The following RPS6KA2 variants were observed in gnomAD, a reference collection of about 807,000 sequenced individuals.
RPS6KA2 encodes the protein ribosomal protein S6 kinase A2, also known as ribosomal protein S6 kinase alpha-2.
In RPS6KA2, 42 loss-of-function variants were observed where a neutral mutation model predicts 91.8. The observed-to-expected ratio is 0.46, with a 90% CI of 0.36 to 0.59. The LOEUF is 0.59. Ranked by LOEUF, RPS6KA2 falls within the 20% of genes least tolerant of loss-of-function variation. RPS6KA2 has a pLI of 0.00. For synonymous variants in RPS6KA2, 414 were observed against 393.6 expected (o/e 1.05, Z -0.61); for missense variants, 798 against 978.5 (o/e 0.82, Z 2.46).
At chr6:166,857,959 T>C (rs1480605036) in intron 2 of RPS6KA2, 2 of 530,056 alleles carry the variant, frequency 3.8e-6, no homozygotes, top group East Asian at 3.3e-5. Flanking sequence ...TTTACCTCGA[T>C]GGACAGCCTT....
chr6:166,418,468 A>G lies in RPS6KA2; in HGVS notation c.1821-126T>C. 1.4e-6 allele frequency: 1 copy of G among 731,722 alleles called. No individual in the cohort carries two copies. The highest frequency in any genetic ancestry group is 2.6e-5 in the East Asian group (1 of 38,296). The allele number at this position is 731,722 out of a possible 1,614,324, so 45.3% of individuals were successfully genotyped here. A position where few individuals can be genotyped will look rare whatever the true frequency, so the allele number is the denominator to read the frequency against. On this transcript the variant is annotated intron_variant, in intron 18 of 20. Coordinates refer to ENST00000265678, the MANE Select transcript of RPS6KA2 (RefSeq NM_021135.6). This position sits in a 1 kb window ranked among gnomAD's most constrained non-coding sequence, Gnocchi z 4.9. Reference sequence around the variant, plus strand: ...CTTTGCTTCTCCCTCCTCTGCTCTGAAGCCAGGATTCATGGGAAAGCGGAA... The same window carrying G: ...CTTTGCTTCTCCCTCCTCTGCTCTGGAGCCAGGATTCATGGGAAAGCGGAA...
intron 2 of RPS6KA2, among the ~76,000 whole-genome samples, chr6:166,830,338 G>C (rs1780155332): frequency 6.6e-6 from 1 of 152,082 alleles, no homozygotes; most frequent in Non-Finnish European, 1.5e-5. Context: ...GTCTCATTGG[G>C]GAAGTGGCTG....
At chr6:166,642,261 T>A (rs1787463746) in intron 2 of RPS6KA2, among the ~76,000 whole-genome samples, 1 of 152,166 alleles carries the variant, frequency 6.6e-6, no homozygotes, top group Non-Finnish European at 1.5e-5. Flanking sequence ...TGCGATGTGC[T>A]AAGAGAAAAT....
rs1788310040 is a variant in RPS6KA2, at chr6:166,666,183, G to A, written c.124-127399C>T. ...GACTCTTTCAGCAAGGCCTGCCTGG[G>A]TCACGGGGTCTGCCCCATCTAGTGA... On this transcript the variant is annotated intron_variant, in intron 2 of 21. Transcript: ENST00000503859. The surrounding 1 kb of genome is among the most constrained non-coding windows in gnomAD (Gnocchi z 4.0). Among the ~76,000 whole-genome samples the A allele has an allele frequency of 6.6e-6, 1 of 152,190 alleles. No individual in the cohort carries two copies. Among genetic ancestry groups the A allele is most frequent in the South Asian group, 2.1e-4 (1 of 4,832 alleles).
At chr6:166,536,790 G>T (rs756973724) in intron 2 of RPS6KA2, among the ~76,000 whole-genome samples, 30 of 151,966 alleles carry the variant, frequency 2.0e-4, no homozygotes, top group Admixed American at 6.6e-5. Flanking sequence ...ACCTACTACT[G>T]TTCTTGAAAC....
chr6:166,702,941 C>T lies in RPS6KA2; in HGVS notation c.123+155259G>A, dbSNP rs1583033581. On this transcript the variant is annotated intron_variant, in intron 2 of 21. Coordinates refer to the RPS6KA2 transcript ENST00000503859. The stretch of plus-strand genomic sequence containing the variant: ...GCTGGTTTTGTTCCCCTCGTCTTCT[C>T]GCCTTTAAAATACACAAACACAGTA... 13 of 607,886 alleles carry T rather than the reference C, an allele frequency of 2.1e-5. No individual in the cohort carries two copies. The East Asian group carries it at 3.0e-4, about 14-fold the overall frequency. The allele number at this position is 607,886 out of a possible 1,614,324, so 37.7% of individuals were successfully genotyped here. A position where few individuals can be genotyped will look rare whatever the true frequency, so the allele number is the denominator to read the frequency against.
In RPS6KA2 at chr6:166,437,557, C is replaced by T. The variant is rs912753305; in HGVS notation, c.1333-5067G>A. 6.6e-6 allele frequency among the ~76,000 whole-genome samples: 1 copy of T among 152,202 alleles called. No homozygotes were observed. The highest frequency in any genetic ancestry group is 1.5e-5 in the Non-Finnish European group (1 of 68,028). ...TACAACCTCCAGAGAAGGGCATTCTCCAGGGGTTGGCCACCCACCACAGCC... is the reference window on the plus strand; with the variant it reads ...TACAACCTCCAGAGAAGGGCATTCTTCAGGGGTTGGCCACCCACCACAGCC... On this transcript the variant is annotated intron_variant, in intron 14 of 20. Coordinates refer to ENST00000265678, the MANE Select transcript of RPS6KA2 (RefSeq NM_021135.6). This position sits in a 1 kb window ranked among gnomAD's most constrained non-coding sequence, Gnocchi z 4.3.
chr6:166,793,811 C>G (rs1458655078), intron 2 of RPS6KA2, among the ~76,000 whole-genome samples: 1 of 151,942 alleles, frequency 6.6e-6, no homozygotes, highest in Non-Finnish European at 1.5e-5. Flanking sequence ...ATGTAGAAAG[C>G]TGAAACTGGA....
chr6:166,762,459 C>T (rs73788131), intron 2 of RPS6KA2, among the ~76,000 whole-genome samples: 2,604 of 152,226 alleles, frequency 0.017, 64 homozygotes, highest in African/African-American at 0.059. Flanking sequence ...CGGCACCTGG[C>T]GTAGTCCCTG....
chr6:166,416,668 T>C (rs1452302224), intron 19 of RPS6KA2, among the ~76,000 whole-genome samples: 1 of 99,878 alleles, frequency 1.0e-5, no homozygotes, highest in African/African-American at 2.7e-5. Flanking sequence ...CACCATCAGC[T>C]CCATCCCTGC....
intron 10 of RPS6KA2, among the ~76,000 whole-genome samples, chr6:166,474,640 TAACA>T (rs79554791): frequency 0.14 from 20,941 of 151,020 alleles, 2,040 homozygotes; most frequent in East Asian, 0.5. Context: ...AGATAACAAA[TAACA>T]AACACTGGTG....
intron 1 of RPS6KA2, among the ~76,000 whole-genome samples, chr6:166,594,366 T>TA (rs992229503): frequency 2.6e-5 from 4 of 152,224 alleles, no homozygotes; most frequent in African/African-American, 7.2e-5. Context: ...ATTTTCACAA[T>TA]AAAATGTGTT....
intron 2 of RPS6KA2, among the ~76,000 whole-genome samples, chr6:166,683,414 A>C (rs1022967382): frequency 5.3e-5 from 8 of 152,238 alleles, no homozygotes; most frequent in African/African-American, 1.7e-4. Context: ...GATCAATTAT[A>C]ATCTACAGAC....
chr6:166,701,394 C>T (rs188604316), intron 2 of RPS6KA2: 92 of 1,329,624 alleles, frequency 6.9e-5, no homozygotes, highest in East Asian at 2.7e-4. Context: ...TTAGGACTAA[C>T]GAAGTTTTCT....
In RPS6KA2 at chr6:166,563,215, G is replaced by A. The variant is rs1253522465; in HGVS notation, c.100-24431C>T. On this transcript the variant is annotated intron_variant, in intron 1 of 20. Transcript: ENST00000265678. This position sits in a 1 kb window ranked among gnomAD's most constrained non-coding sequence, Gnocchi z 4.1. ...TCCGGGGTAGTGGAGACACCGCCAC[G>A]TCTGTGTCTCTGGAGAAGGAAGATG... is the stretch of plus-strand genomic sequence containing the variant. Among the ~76,000 whole-genome samples, 6 of 152,306 alleles carry A rather than the reference G, an allele frequency of 3.9e-5. No individual in the cohort carries two copies. Among genetic ancestry groups the A allele is most frequent in the Admixed American group, 2.6e-4 (4 of 15,304 alleles).
chr6:166,757,690 C>T (rs966184445), intron 2 of RPS6KA2: 1 of 439,302 alleles, frequency 2.3e-6, no homozygotes, highest in African/African-American at 2.0e-5. Flanking sequence ...TCCTCGTCAC[C>T]AGGCAGCCAC....
intron 2 of RPS6KA2, among the ~76,000 whole-genome samples, chr6:166,834,834 T>G (rs201930208): frequency 9.0e-6 from 1 of 110,644 alleles, no homozygotes; most frequent in East Asian, 3.8e-4. Flanking sequence ...CGTCCTATTA[T>G]TTATTTATTT....
chr6:166,625,359 A>G (rs1315768692), intron 1 of RPS6KA2, among the ~76,000 whole-genome samples: 1 of 95,906 alleles, frequency 1.0e-5, no homozygotes. Context: ...TTCCCACTGT[A>G]TTCTTTCCGG....
intron 2 of RPS6KA2, among the ~76,000 whole-genome samples, chr6:166,656,084 C>T (rs1185433817): frequency 6.6e-6 from 1 of 152,188 alleles, no homozygotes; most frequent in African/African-American, 2.4e-5. Flanking sequence ...GGGAAGCTCA[C>T]GCCTAGAACC....
Sources: gnomAD v4.1 joint callset for allele counts (sites outside exome capture counted in the v4.1 genomes callset) on GRCh38, gnomAD v4.1.1 for gene constraint, Gnocchi (gnomAD v3.1) non-coding constraint, MANE v1.5 for transcripts, NCBI Gene and HGNC (gene_info 2026-07-23, HGNC 2026-07-21) for gene names.